Variants in TIMELESS observed in about 807,000 individuals in gnomAD.
TIMELESS encodes the protein timeless circadian regulator.
A neutral mutation model predicts 164.3 loss-of-function variants in TIMELESS; 124 were observed. The observed-to-expected ratio is 0.75, with a 90% CI of 0.65 to 0.88. The LOEUF (loss-of-function observed/expected upper bound fraction) is 0.88. Ranked by LOEUF, TIMELESS falls within the 40% of genes least tolerant of loss-of-function variation. TIMELESS has a pLI of 0.00. For missense variants in TIMELESS, 1,422 were observed against 1,491.4 expected (o/e 0.95, Z 0.77); for synonymous variants, 564 against 563.4 (o/e 1.00, Z -0.02).
Position 56,433,838 on chromosome 12 carries a change from C to T in TIMELESS, c.186G>A (p.Gln62=). 1.9e-6 allele frequency: 3 copies of T among 1,614,134 alleles called. No homozygotes were observed. The highest frequency in any genetic ancestry group is 1.1e-5 in the South Asian group (1 of 91,074). ...GGGTGAGGATGGGCAGAAGGTCGCT[C>T]TGTAGGATCTGGGCTGCCCCCAGCT... ...RQQLGAAQIL[Q]SDLLPILTQH... The change falls in exon 3 of 29, where the codon CAG becomes CAA. Residue 62 remains glutamine (Q), a synonymous_variant. Coordinates refer to ENST00000553532, the MANE Select transcript of TIMELESS (RefSeq NM_003920.5).
At position 56,433,910 on chromosome 12, in the gene TIMELESS, C is replaced by G. The variant is rs2279665; in HGVS notation, c.114G>C (p.Leu38=). ...CATCCTCATGCCTCAAATAGCGGAT[C>G]AGATCCTTCACGCTCTCTTCAGAGA... ...EPDCLESVKD[L]IRYLRHEDET... The change falls in exon 3 of 29, where the codon CTG becomes CTC. Residue 38 remains leucine (L), a synonymous_variant. Coordinates refer to ENST00000553532, the MANE Select transcript of TIMELESS (RefSeq NM_003920.5). 872,930 of 1,613,744 alleles carry G rather than the reference C, an allele frequency of 0.54. 240,724 individuals carry two copies. Among genetic ancestry groups the G allele is most frequent in the African/African-American group, 0.64 (48,091 of 74,920 alleles).
rs1881335923 is a variant in TIMELESS, at chr12:56,418,233, G to A, written c.3355C>T (p.Gln1119Ter). The A allele has an allele frequency of 3.1e-6, 5 of 1,614,182 alleles. No homozygotes were observed. The highest frequency in any genetic ancestry group is 4.2e-6 in the Non-Finnish European group (5 of 1,180,040). The change falls in exon 27 of 29, where the codon CAA (glutamine) becomes TAA (stop). Residue 1119 changes from glutamine to a stop codon, truncating the protein, a stop_gained. Transcript: ENST00000553532. LOFTEE classifies it high-confidence loss of function. Reference protein sequence around the residue: ...PELQPKVPGEQGSDEEHCKEH... With the variant: ...PELQPKVPGE ...TTACAGTGCTCCTCATCAGAGCCTT[G>A]CTCTCCAGGGACTTTAGGCTGCAGC... is the stretch of plus-strand genomic sequence containing the variant.
At chr12:56,438,777 C>CAAAAAAAAA (rs34222190) in intron 1 of TIMELESS, among the ~76,000 whole-genome samples, 1 of 48,448 alleles carries the variant, frequency 2.1e-5, no homozygotes, top group African/African-American at 9.9e-5. Flanking sequence ...AGCTCTGTCT[C>CAAAAAAAAA]AAAAAAAAAA....
intron 26 of TIMELESS, among the ~76,000 whole-genome samples, chr12:56,419,997 ACT>A (rs1881401340): frequency 1.3e-5 from 1 of 77,626 alleles, no homozygotes; most frequent in African/African-American, 5.3e-5. Flanking sequence ...ATGGAGTGAG[ACT>A]CTGTCTCAAA....
chr12:56,423,805 G>A lies in TIMELESS; in HGVS notation c.1958C>T (p.Pro653Leu), dbSNP rs1020940260. Residue 653 changes from proline to leucine, a missense_variant, in exon 16 of 29, where the codon CCA becomes CTA. Physicochemically the swap from Pro to Leu is moderately conservative, Grantham distance 98 (BLOSUM62 -3). Coordinates refer to ENST00000553532, the MANE Select transcript of TIMELESS (RefSeq NM_003920.5). ...GAAGGGTGGAGACTCACGGGGAAGT[G>A]GAGCAGAGAGGATTTGTTTCAGCAA... ...IQLLKQILSAPLPRQQGPEER... is the reference protein window; with the variant it reads ...IQLLKQILSALLPRQQGPEER... 4 of 1,614,066 alleles carry A rather than the reference G, an allele frequency of 2.5e-6. No individual in the cohort carries two copies. The African/African-American group carries it at 5.3e-5, about 22-fold the overall frequency.
chr12:56,426,602 C>A (rs1023708859), intron 13 of TIMELESS, among the ~76,000 whole-genome samples: 1 of 151,974 alleles, frequency 6.6e-6, no homozygotes, highest in African/African-American at 2.4e-5. Flanking sequence ...CTCTGTTGCC[C>A]AGGCTGGAGT....
intron 1 of TIMELESS, among the ~76,000 whole-genome samples, chr12:56,446,278 T>C (rs956342571): frequency 6.6e-6 from 1 of 152,212 alleles, no homozygotes; most frequent in Non-Finnish European, 1.5e-5. Flanking sequence ...CTTCAATGGA[T>C]ACATAAGAAA....
At chr12:56,444,218 C>A (rs181420468) in intron 1 of TIMELESS, among the ~76,000 whole-genome samples, 1 of 151,808 alleles carries the variant, frequency 6.6e-6, no homozygotes, top group African/African-American at 2.4e-5. Flanking sequence ...TCTTGGTCCC[C>A]TTCATTGTCT....
rs1465092391 is a variant in TIMELESS, at chr12:56,418,347, G to A, written c.3241C>T (p.Arg1081Ter). 17 of 1,608,414 alleles carry A rather than the reference G, an allele frequency of 1.1e-5. No homozygotes were observed. The highest frequency in any genetic ancestry group is 1.7e-5 in the Admixed American group (1 of 58,726). Residue 1081 changes from arginine (R) to a stop codon, truncating the protein, a stop_gained, in exon 27 of 29, where the codon CGA becomes TGA. Transcript: ENST00000553532. LOFTEE classifies it high-confidence loss of function. ...PPASGQETFW[R>*]IPAKLSPTQL... ...GTAGGACTCAGCTTGGCTGGAATTC[G>A]CCAGAAGGTTTCCTACAGGGGCCAA...
rs1262820282 is a variant in TIMELESS, at chr12:56,416,689, G to C, written c.*1027C>G. On this transcript the variant is annotated 3_prime_UTR_variant, in exon 29 of 29. Coordinates refer to ENST00000553532, the MANE Select transcript of TIMELESS (RefSeq NM_003920.5). ...AAAATGCTTTTCTGTGTCTTCTGTA[G>C]GGAAAGCGGAAGAAAAGGGAAGGTT... is the stretch of plus-strand genomic sequence containing the variant. The C allele has an allele frequency of 2.0e-5, 3 of 152,020 alleles. No homozygotes were observed. The East Asian group carries it at 5.8e-4, about 29-fold the overall frequency. The allele number at this position is 152,020 out of a possible 1,614,324, so 9.4% of individuals were successfully genotyped here.
intron 10 of TIMELESS, 135 bp from the exon 11 acceptor site, chr12:56,429,235 A>G (rs570339568): frequency 1.2e-4 from 89 of 745,416 alleles, no homozygotes; most frequent in African/African-American, 1.1e-3. Context: ...GTCTCACTCT[A>G]TTGCCCAGGC....
rs1022831621 is a variant in TIMELESS at position 56,416,578 on chromosome 12, T to A, written c.*1138A>T. On this transcript the variant is annotated 3_prime_UTR_variant, in exon 29 of 29. Transcript: ENST00000553532. ...CTATGCCCCATGCCAACAAGCTGGC[T>A]TCTCTTCCTTTATGGCTCCTCCTTC... is the stretch of plus-strand genomic sequence containing the variant. The A allele has an allele frequency of 1.4e-4, 21 of 152,308 alleles. No individual in the cohort carries two copies. Among genetic ancestry groups the A allele is most frequent in the African/African-American group, 4.8e-4 (20 of 41,448 alleles). 9.4% of individuals were successfully genotyped at this position (152,308 alleles called of 1,614,324 possible). A position where few individuals can be genotyped will look rare whatever the true frequency, so the allele number is the denominator to read the frequency against.
At chr12:56,434,760 G>T (rs766861024) in intron 1 of TIMELESS, among the ~76,000 whole-genome samples, 19 of 145,058 alleles carry the variant, frequency 1.3e-4, no homozygotes, top group Non-Finnish European at 2.5e-4. Flanking sequence ...AAATAAAATT[G>T]TTAGACCCTG....
rs986880004 is a variant in TIMELESS at position 56,449,325 on chromosome 12, C to T, written c.-77G>A. The T allele has an allele frequency of 2.0e-5, 3 of 152,332 alleles. No individual in the cohort carries two copies. The highest frequency in any genetic ancestry group is 2.9e-5 in the Non-Finnish European group (2 of 68,104). 9.4% of individuals were successfully genotyped at this position (152,332 alleles called of 1,614,324 possible). ...ACTCACTCACCCGCTCCCTGCGGGT[C>T]CTCAGAAGCCCGGAGGAGCCACCGG... On this transcript the variant is annotated 5_prime_UTR_variant, in exon 1 of 29. Transcript: ENST00000553532.
intron 27 of TIMELESS, 61 bp downstream of exon 27, chr12:56,418,073 T>C: frequency 6.2e-7 from 1 of 1,613,210 alleles, no homozygotes; most frequent in Non-Finnish European, 8.5e-7. Context: ...ACACCTTTCC[T>C]GCCCTCTAGA....
At chr12:56,436,572 G>A (rs1186396400) in intron 1 of TIMELESS, among the ~76,000 whole-genome samples, 1 of 152,216 alleles carries the variant, frequency 6.6e-6, no homozygotes, top group Non-Finnish European at 1.5e-5. Flanking sequence ...TGCTATGCCA[G>A]AGTCAAGTTA....
chr12:56,438,839 T>G (rs1342166213), intron 1 of TIMELESS, among the ~76,000 whole-genome samples: 1 of 123,142 alleles, frequency 8.1e-6, no homozygotes, highest in African/African-American at 3.2e-5. Flanking sequence ...TGCCATGAAG[T>G]AGATGAAACT....
chr12:56,445,666 G>A (rs1466894906), intron 1 of TIMELESS, among the ~76,000 whole-genome samples: 2 of 151,402 alleles, frequency 1.3e-5, no homozygotes, highest in South Asian at 2.1e-4. Flanking sequence ...TGAGGCGGAG[G>A]TTGCAGTGAG....
chr12:56,428,901 G>A lies in TIMELESS; in HGVS notation c.1286C>T (p.Ala429Val). 6.2e-7 allele frequency: 1 copy of A among 1,613,896 alleles called. No individual in the cohort carries two copies. ...YEMMLTDRKE[A>V]ASWARRMHLA... ...CACTCACCGGCGTGCCCAGGAGGCA[G>A]CTTCCTTGCGGTCAGTCAGCATCAT... Residue 429 changes from alanine (A) to valine (V), a missense_variant, in exon 11 of 29, where the codon GCT becomes GTT. By Grantham distance (64) the Ala-to-Val change is moderately conservative. Coordinates refer to ENST00000553532, the MANE Select transcript of TIMELESS (RefSeq NM_003920.5).
Sources: allele counts gnomAD v4.1 joint callset (sites outside exome capture counted in the v4.1 genomes callset), GRCh38; gene constraint gnomAD v4.1.1; transcripts MANE v1.5; gene names NCBI Gene and HGNC (gene_info 2026-07-23, HGNC 2026-07-21).